The following FIP1L1 variants were observed in gnomAD, a reference collection of about 807,000 sequenced individuals.
FIP1L1 encodes the protein pre-mRNA 3'-end-processing factor FIP1.
A neutral mutation model predicts 84.6 loss-of-function variants in FIP1L1; 21 were observed. The observed-to-expected ratio is 0.25, with a 90% CI of 0.18 to 0.36. The LOEUF (loss-of-function observed/expected upper bound fraction) is 0.36, where lower values mean the gene tolerates loss of function less well. Among genes scored for constraint, FIP1L1 ranks in the 10% least tolerant of loss-of-function variants. The pLI is 1.00. For missense variants in FIP1L1, 526 were observed against 751.1 expected (o/e 0.70, Z 3.50); for synonymous variants, 263 against 242.3 (o/e 1.09, Z -0.80).
chr4:53,439,037 T>G (rs1486132977), intron 13 of FIP1L1, among the ~76,000 whole-genome samples: 1 of 152,142 alleles, frequency 6.6e-6, no homozygotes, highest in Non-Finnish European at 1.5e-5. Flanking sequence ...AAAATAATCA[T>G]GTATTTACTT....
intron 13 of FIP1L1, among the ~76,000 whole-genome samples, chr4:53,432,084 A>G (rs1417949536): frequency 6.6e-6 from 1 of 152,140 alleles, no homozygotes; most frequent in Non-Finnish European, 1.5e-5. Flanking sequence ...CCCTGCAGCC[A>G]TACTAACAGT....
At chr4:53,458,058 A>G (rs115158975) in intron 16 of FIP1L1, among the ~76,000 whole-genome samples, 2,045 of 152,226 alleles carry the variant, frequency 0.013, 30 homozygotes, top group Middle Eastern at 0.034. Context: ...GGTATGTCCA[A>G]TCTGCATTTT....
intron 14 of FIP1L1, among the ~76,000 whole-genome samples, chr4:53,443,842 T>C (rs1773037384): frequency 6.6e-6 from 1 of 152,142 alleles, no homozygotes; most frequent in African/African-American, 2.4e-5. Context: ...TAGTACATCC[T>C]ATTTTTCTGT....
intron 10 of FIP1L1, among the ~76,000 whole-genome samples, chr4:53,408,880 C>G (rs1026376874): frequency 7.9e-5 from 12 of 152,074 alleles, no homozygotes; most frequent in African/African-American, 2.7e-4. Context: ...ATTGGTTATT[C>G]TAGTTATACA....
chr4:53,403,180 TGA>T (rs1358248281), intron 10 of FIP1L1, among the ~76,000 whole-genome samples: 3 of 151,554 alleles, frequency 2.0e-5, no homozygotes, highest in Admixed American at 2.0e-4. Flanking sequence ...TTTTTCAAGA[TGA>T]GAGGAATTAC....
intron 9 of FIP1L1, among the ~76,000 whole-genome samples, chr4:53,393,696 G>A (rs1322333138): frequency 6.7e-6 from 1 of 148,326 alleles, no homozygotes; most frequent in Non-Finnish European, 1.5e-5. Flanking sequence ...ATGAGAAAAC[G>A]TTGACTACAA....
At chr4:53,452,859 G>T in intron 15 of FIP1L1, 61 bp from the exon 16 acceptor site, 2 of 1,238,856 alleles carry the variant, frequency 1.6e-6, no homozygotes, top group South Asian at 1.3e-5. Flanking sequence ...CACATTTTTG[G>T]TGGGCATTTT....
intron 15 of FIP1L1, among the ~76,000 whole-genome samples, chr4:53,450,406 T>C (rs1303728882): frequency 2.0e-5 from 3 of 152,258 alleles, no homozygotes; most frequent in Non-Finnish European, 1.5e-5. Context: ...GTTACTCTCA[T>C]CCTTTGAAAG....
intron 13 of FIP1L1, among the ~76,000 whole-genome samples, chr4:53,441,617 A>G (rs1192184036): frequency 6.6e-6 from 1 of 151,982 alleles, no homozygotes; most frequent in Non-Finnish European, 1.5e-5. Context: ...GTAAACATGA[A>G]AACAATTTGA....
At chr4:53,385,195 C>T (rs1560486299) in intron 5 of FIP1L1, among the ~76,000 whole-genome samples, 1 of 152,054 alleles carries the variant, frequency 6.6e-6, no homozygotes, top group South Asian at 2.1e-4. Context: ...TTACTATCTG[C>T]ATGATGCAAA....
intron 15 of FIP1L1, among the ~76,000 whole-genome samples, chr4:53,452,320 T>C (rs1034589778): frequency 6.8e-6 from 1 of 147,930 alleles, no homozygotes; most frequent in Non-Finnish European, 1.5e-5. Flanking sequence ...TTCTCAACAC[T>C]TTTTTTTTTT....
intron 10 of FIP1L1, among the ~76,000 whole-genome samples, chr4:53,408,351 T>C (rs1234614921): frequency 1.3e-5 from 2 of 152,360 alleles, no homozygotes; most frequent in African/African-American, 4.8e-5. Flanking sequence ...GTAGAGTTTC[T>C]GCGGAGAGAT....
At chr4:53,410,875 T>C (rs1227788984) in intron 10 of FIP1L1, among the ~76,000 whole-genome samples, 2 of 152,206 alleles carry the variant, frequency 1.3e-5, no homozygotes, top group Non-Finnish European at 2.9e-5. Context: ...ATTGTACATA[T>C]TGGGTTCAGT....
chr4:53,379,002 A>T, intron 1 of FIP1L1, 71 bp from the exon 2 acceptor site: 7 of 1,458,880 alleles, frequency 4.8e-6, no homozygotes, highest in Non-Finnish European at 6.6e-6. Context: ...GTAAAGTCTG[A>T]TTTTTTTTTC....
At position 53,382,328 on chromosome 4, in the gene FIP1L1, C is replaced by A. The variant is rs1738532796; in HGVS notation, c.221C>A (p.Pro74Gln). 6.2e-7 allele frequency: 1 copy of A among 1,612,334 alleles called. No homozygotes were observed. Among genetic ancestry groups the A allele is most frequent in the Non-Finnish European group, 8.5e-7 (1 of 1,178,666 alleles). ...IEDETAENGV[P>Q]KPKVTETEDD... is the part of the protein sequence containing the mutation. Reference sequence around the variant, plus strand: ...GATGAAACTGCTGAAAATGGTGTACCAAAACCGGTAACATAAGGCTTTGAA... The same window carrying A: ...GATGAAACTGCTGAAAATGGTGTACAAAAACCGGTAACATAAGGCTTTGAA... Residue 74 changes from proline to glutamine, a missense_variant, in exon 4 of 18, where the codon CCA (proline) becomes CAA (glutamine). Physicochemically the swap from Pro to Gln is moderately conservative, Grantham distance 76 (BLOSUM62 -1). Around this residue, in one of 6 missense-constraint regions of FIP1L1, gnomAD observed 100 missense variants for 107.2 expected, o/e 0.93. Transcript: ENST00000337488.
At chr4:53,403,041 A>G (rs925222635) in intron 10 of FIP1L1, among the ~76,000 whole-genome samples, 2 of 152,196 alleles carry the variant, frequency 1.3e-5, no homozygotes, top group Non-Finnish European at 2.9e-5. Context: ...ATAAGAGGCC[A>G]TTGGAAGGTA....
intron 4 of FIP1L1, 138 bp from the exon 5 acceptor site, chr4:53,383,635 C>T (rs558290441): frequency 2.3e-4 from 175 of 777,060 alleles, no homozygotes; most frequent in Admixed American, 6.3e-4. Context: ...GCACTCAAGC[C>T]GGGGCGACAA....
intron 10 of FIP1L1, among the ~76,000 whole-genome samples, chr4:53,410,005 C>T (rs1348951015): frequency 8.5e-5 from 13 of 152,226 alleles, no homozygotes; most frequent in African/African-American, 2.4e-4. Context: ...CACTGTCCTG[C>T]GCCCACTGTC....
rs1319611204 is a variant in FIP1L1, at chr4:53,417,757, ACACACACTCTCTCTCTCTCTCTCTCTCT to A, written c.923+3037_923+3064del. On this transcript the variant is annotated intron_variant, in intron 11 of 17. Coordinates refer to ENST00000337488, the MANE Select transcript of FIP1L1 (RefSeq NM_030917.4). Reference sequence around the variant, plus strand: ...TTTTTAAACACACACACACACACACACACACACTCTCTCTCTCTCTCTCTCTCTCTCTCTCTCTCTCTCTCTCTCTCTC... The same window carrying A: ...TTTTTAAACACACACACACACACACACTCTCTCTCTCTCTCTCTCTCTCTC... Among the ~76,000 whole-genome samples the A allele has an allele frequency of 4.3e-4, 15 of 35,168 alleles. 1 individual carries two copies. In the Admixed American group the frequency reaches 5.5e-3, roughly 13 times the overall value. The allele number at this position is 35,168 out of a possible 152,430, so 23.1% of individuals were successfully genotyped here. A position where few individuals can be genotyped will look rare whatever the true frequency, so the allele number is the denominator to read the frequency against.
Sources: gnomAD v4.1 joint callset for allele counts (sites outside exome capture counted in the v4.1 genomes callset) on GRCh38, gnomAD v4.1.1 for gene constraint, gnomAD v4.1.1 regional missense constraint, MANE v1.5 for transcripts, NCBI Gene and HGNC (gene_info 2026-07-23, HGNC 2026-07-21) for gene names.